IQGAP2: variants seen among roughly 807,000 people sequenced by gnomAD.
IQGAP2 encodes the protein IQ motif containing GTPase activating protein 2.
IQGAP2 carries 173 observed loss-of-function variants against 201.3 expected under a neutral mutation model. That is an observed-to-expected ratio of 0.86 (90% CI 0.76 to 0.98). The LOEUF is 0.98. IQGAP2 is among the 50% of genes least tolerant of loss of function. The pLI, the probability that IQGAP2 is intolerant of heterozygous loss-of-function variation, is 0.00. For missense variants in IQGAP2, 1,687 were observed against 1,864.8 expected, an observed-to-expected ratio of 0.90 and a Z score of 1.76; for synonymous variants, 675 against 673.9, an observed-to-expected ratio of 1.00 and a Z score of -0.03.
intron 2 of IQGAP2, among the ~76,000 whole-genome samples, chr5:76,498,365 A>T (rs1052385046): frequency 1.3e-5 from 2 of 152,202 alleles, no homozygotes; most frequent in Non-Finnish European, 1.5e-5. Context: ...AGATGGTGTT[A>T]TATCCATTTG....
chr5:76,541,430 C>T (rs1265513442), intron 2 of IQGAP2, among the ~76,000 whole-genome samples: 1 of 152,184 alleles, frequency 6.6e-6, no homozygotes, highest in African/African-American at 2.4e-5. Flanking sequence ...ATCTATTCAT[C>T]TGTTGCTGGG....
At chr5:76,495,430 G>C (rs1377810267) in intron 2 of IQGAP2, among the ~76,000 whole-genome samples, 1 of 152,188 alleles carries the variant, frequency 6.6e-6, no homozygotes, top group Non-Finnish European at 1.5e-5. Flanking sequence ...CTCAGTTCCT[G>C]GAGGGCAGAG....
At chr5:76,658,392 G>T in intron 20 of IQGAP2, 67 bp from the exon 21 acceptor site, 1 of 1,292,098 alleles carries the variant, frequency 7.7e-7, no homozygotes, top group Non-Finnish European at 1.1e-6. Context: ...TTAAGACCTT[G>T]TTTCTTTCCT....
intron 2 of IQGAP2, among the ~76,000 whole-genome samples, chr5:76,528,012 T>C (rs1254064219): frequency 1.3e-5 from 2 of 152,220 alleles, no homozygotes; most frequent in Admixed American, 6.5e-5. Context: ...TCCCTTTGCT[T>C]CCCTATCAAG....
At chr5:76,561,800 G>A (rs748029508) in intron 2 of IQGAP2, among the ~76,000 whole-genome samples, 6 of 152,052 alleles carry the variant, frequency 3.9e-5, no homozygotes, top group Admixed American at 6.6e-5. Flanking sequence ...CATTAAGTAC[G>A]GTGTCTTCCC....
intron 2 of IQGAP2, among the ~76,000 whole-genome samples, chr5:76,558,653 C>T (rs991695869): frequency 2.4e-4 from 36 of 152,222 alleles, no homozygotes; most frequent in African/African-American, 8.4e-4. Context: ...GGAAGTTCAT[C>T]ATCATCACAT....
At chr5:76,575,666 A>T (rs898332905) in intron 4 of IQGAP2, 27 bp from the exon 5 acceptor site, 34 of 1,434,140 alleles carry the variant, frequency 2.4e-5, no homozygotes, top group Non-Finnish European at 2.9e-5. Flanking sequence ...AAAACATATA[A>T]TAAATATTGT....
intron 14 of IQGAP2, among the ~76,000 whole-genome samples, chr5:76,631,044 ATCCG>A (rs1750658773): frequency 6.6e-6 from 1 of 152,206 alleles, no homozygotes; most frequent in East Asian, 1.9e-4. Context: ...AAGAGAAAGC[ATCCG>A]TGTCTCCCTT....
intron 27 of IQGAP2, among the ~76,000 whole-genome samples, 186 bp downstream of exon 27, chr5:76,674,895 A>ATCCTATCGCACCCCCACCACAGCAC (rs1744669399): frequency 6.6e-6 from 1 of 152,100 alleles, no homozygotes; most frequent in South Asian, 2.1e-4. Flanking sequence ...CTGTCTGGCG[A>ATCCTATCGCACCCCCACCACAGCAC]TCCTATCGCA....
Position 76,432,128 on chromosome 5 carries a change from C to CT in IQGAP2, c.46+28552dup, listed in dbSNP as rs70982606. ...TGGAATTGACTGATCTTTCTTTCTT[C>CT]TTTTTTTTTTTTTTTGAGATGGAGT... is the stretch of plus-strand genomic sequence containing the variant. On this transcript the variant is annotated intron_variant, in intron 1 of 35. Coordinates refer to ENST00000274364, the MANE Select transcript of IQGAP2 (RefSeq NM_006633.5). Among the ~76,000 whole-genome samples, 262 of 95,318 alleles carry CT rather than the reference C, an allele frequency of 2.7e-3. 11 individuals carry two copies. The highest frequency in any genetic ancestry group is 9.2e-3 in the African/African-American group (240 of 26,222). 62.5% of individuals were successfully genotyped at this position (95,318 alleles called of 152,430 possible).
chr5:76,505,837 C>T (rs992312296), intron 2 of IQGAP2, among the ~76,000 whole-genome samples: 8 of 152,204 alleles, frequency 5.3e-5, no homozygotes, highest in Non-Finnish European at 1.2e-4. Context: ...CTAGGCACTA[C>T]GCTGGTTGCC....
intron 2 of IQGAP2, among the ~76,000 whole-genome samples, chr5:76,462,953 C>T (rs1313668556): frequency 1.3e-5 from 2 of 151,150 alleles, no homozygotes; most frequent in African/African-American, 2.4e-5. Flanking sequence ...GTCAAGTTGT[C>T]GCAAAAAAGT....
intron 1 of IQGAP2, among the ~76,000 whole-genome samples, chr5:76,422,757 T>C (rs1465633791): frequency 1.3e-5 from 2 of 152,170 alleles, no homozygotes; most frequent in Non-Finnish European, 1.5e-5. Flanking sequence ...CTCTAAGAAG[T>C]GGGGACCGGC....
intron 3 of IQGAP2, among the ~76,000 whole-genome samples, chr5:76,565,274 A>C (rs574345273): frequency 7.9e-5 from 12 of 152,180 alleles, no homozygotes; most frequent in Non-Finnish European, 1.6e-4. Context: ...TCTGGAAACC[A>C]TGAATTCAGT....
At chr5:76,673,632 G>A (rs776390515) in intron 25 of IQGAP2, 43 bp downstream of exon 25, 32 of 1,599,850 alleles carry the variant, frequency 2.0e-5, no homozygotes, top group South Asian at 1.8e-4. Context: ...TTCCTGGAAC[G>A]TTCTTGGAAT....
At chr5:76,602,269 CAGTGCTAG>C (rs1580567927) in intron 11 of IQGAP2, among the ~76,000 whole-genome samples, 2 of 152,334 alleles carry the variant, frequency 1.3e-5, no homozygotes, top group East Asian at 3.9e-4. Context: ...CATACTTTCT[CAGTGCTAG>C]AGTAGAAGAC....
At chr5:76,546,779 G>T (rs1743125431) in intron 2 of IQGAP2, among the ~76,000 whole-genome samples, 1 of 152,156 alleles carries the variant, frequency 6.6e-6, no homozygotes, top group Non-Finnish European at 1.5e-5. Flanking sequence ...AAAGAATGGT[G>T]CTTGGGATGC....
intron 2 of IQGAP2, among the ~76,000 whole-genome samples, chr5:76,463,350 C>A (rs535153326): frequency 6.6e-5 from 10 of 152,176 alleles, no homozygotes; most frequent in African/African-American, 2.4e-4. Context: ...CCCAGCTCCA[C>A]CACTTACACA....
intron 2 of IQGAP2, among the ~76,000 whole-genome samples, chr5:76,489,554 C>A (rs1418156103): frequency 6.6e-6 from 1 of 152,100 alleles, no homozygotes; most frequent in Non-Finnish European, 1.5e-5. Context: ...CTCCGCCTCC[C>A]AGGTTCAAGC....
Sources: allele counts gnomAD v4.1 joint callset (sites outside exome capture counted in the v4.1 genomes callset), GRCh38; gene constraint gnomAD v4.1.1; transcripts MANE v1.5; gene names NCBI Gene and HGNC (gene_info 2026-07-23, HGNC 2026-07-21).